BAZ2B: variants seen among roughly 807,000 people sequenced by gnomAD.
The protein encoded by BAZ2B is bromodomain adjacent to zinc finger domain 2B, also known as bromodomain adjacent to zinc finger domain protein 2B.
Under a neutral mutation model 246.0 loss-of-function variants are expected in BAZ2B, and 91 were observed. The observed-to-expected ratio is 0.37, with a 90% CI of 0.31 to 0.44. BAZ2B has a LOEUF of 0.44. Among genes scored for constraint, BAZ2B ranks in the 20% least tolerant of loss-of-function variants. The pLI is 1.00. For missense variants in BAZ2B, 2,332 were observed against 2,533.7 expected (o/e 0.92, Z 1.71); for synonymous variants, 855 against 860.0 (o/e 0.99, Z 0.10).
intron 27 of BAZ2B, among the ~76,000 whole-genome samples, chr2:159,363,653 A>G (rs3771686): frequency 0.68 from 103,601 of 152,036 alleles, 37,059 homozygotes; most frequent in Non-Finnish European, 0.82. Flanking sequence ...CCCTCACACC[A>G]ATAAATGTGA....
the BAZ2B span, among the ~76,000 whole-genome samples, chr2:159,710,008 T>G: frequency 0.013 from 2,003 of 152,122 alleles, 45 homozygotes; most frequent in African/African-American, 0.045. Flanking sequence ...GAGTCACTCA[T>G]AAAGGATAAA....
At chr2:159,527,269 T>C (rs2084857486) in intron 2 of BAZ2B, among the ~76,000 whole-genome samples, 1 of 152,138 alleles carries the variant, frequency 6.6e-6, no homozygotes, top group Non-Finnish European at 1.5e-5. Context: ...TTTGGCGAAA[T>C]GAATATCTTT....
rs150603575 is a variant in BAZ2B, at chr2:159,379,194, T to C, written c.4005+3365A>G. The stretch of plus-strand genomic sequence containing the variant: ...ATCCTGCCATAAGTAACAACATGGG[T>C]GAACCTTGAGGACATTATGCAAAGT... On this transcript the variant is annotated intron_variant, in intron 25 of 36. Coordinates refer to ENST00000392783, the MANE Select transcript of BAZ2B (RefSeq NM_013450.4). Among the ~76,000 whole-genome samples the C allele has an allele frequency of 2.0e-5, 3 of 152,238 alleles. No homozygotes were observed. The East Asian group carries it at 5.8e-4, about 29-fold the overall frequency.
At chr2:159,565,037 A>T (rs969222940) in intron 1 of BAZ2B, among the ~76,000 whole-genome samples, 3 of 151,998 alleles carry the variant, frequency 2.0e-5, no homozygotes, top group African/African-American at 7.3e-5. Flanking sequence ...CAATCAGCTA[A>T]TTTTTGTAAT....
intron 1 of BAZ2B, among the ~76,000 whole-genome samples, chr2:159,587,577 G>T (rs574832237): frequency 6.6e-6 from 1 of 152,220 alleles, no homozygotes; most frequent in Non-Finnish European, 1.5e-5. Flanking sequence ...CAAGTTTAAG[G>T]CCCAGTGCTG....
At chr2:159,455,773 T>TTTG (rs1324934937) in intron 3 of BAZ2B, among the ~76,000 whole-genome samples, 11 of 146,364 alleles carry the variant, frequency 7.5e-5, no homozygotes, top group East Asian at 4.0e-4. Flanking sequence ...GTTTTTTTTT[T>TTTG]TTTTTTTTTT....
chr2:159,533,725 C>T (rs530660161), intron 2 of BAZ2B, among the ~76,000 whole-genome samples: 3 of 152,260 alleles, frequency 2.0e-5, no homozygotes, highest in East Asian at 1.9e-4. Context: ...AGAATTAACC[C>T]GGCATTTCTG....
At position 159,324,830 on chromosome 2, in the gene BAZ2B, C is replaced by A; in HGVS notation, c.6334G>T (p.Glu2112Ter). The part of the protein sequence containing the change: ...KKPMDFSTIR[E>*]KLSSGQYPNL... ...ACTTACTGTCCACTACTTAGTTTCT[C>A]TCTAATTGTGGAAAAATCCATAGGC... Residue 2112 changes from glutamate to a stop codon, truncating the protein, a stop_gained, in exon 36 of 37, where the codon GAG (glutamate) becomes TAG (stop). Transcript: ENST00000392783. LOFTEE classifies it high-confidence loss of function. 1 of 1,506,146 alleles carries A rather than the reference C, an allele frequency of 6.6e-7. No homozygotes were observed. The highest frequency in any genetic ancestry group is 1.4e-5 in the South Asian group (1 of 72,584). 93.3% of individuals were successfully genotyped at this position (1,506,146 alleles called of 1,614,324 possible).
chr2:159,350,542 T>C (rs2058441313), intron 27 of BAZ2B, among the ~76,000 whole-genome samples, 185 bp from the exon 28 acceptor site: 1 of 151,846 alleles, frequency 6.6e-6, no homozygotes, highest in Non-Finnish European at 1.5e-5. Flanking sequence ...TTAACATATA[T>C]ATATATATAT....
At chr2:159,468,532 T>C (rs538959012) in intron 3 of BAZ2B, among the ~76,000 whole-genome samples, 86 of 152,316 alleles carry the variant, frequency 5.6e-4, no homozygotes, top group Non-Finnish European at 1.1e-3. Flanking sequence ...TGGATATCGA[T>C]TTTAAAAACT....
chr2:159,680,853 C>T, the BAZ2B span, among the ~76,000 whole-genome samples: 1 of 152,054 alleles, frequency 6.6e-6, no homozygotes, highest in Non-Finnish European at 1.5e-5. Flanking sequence ...TTATATTGGC[C>T]CAGCAGACAG....
intron 2 of BAZ2B, among the ~76,000 whole-genome samples, chr2:159,499,845 C>G (rs554462574): frequency 6.6e-6 from 1 of 152,212 alleles, no homozygotes; most frequent in East Asian, 1.9e-4. Context: ...TGTTCATGTC[C>G]TTTGCCCACT....
intron 13 of BAZ2B, among the ~76,000 whole-genome samples, chr2:159,413,752 GAAC>G (rs1469111666): frequency 6.6e-6 from 1 of 152,040 alleles, no homozygotes; most frequent in African/African-American, 2.4e-5. Flanking sequence ...AAGAAAATTT[GAAC>G]AATAAAGAGA....
At chr2:159,664,863 C>A in the BAZ2B span, among the ~76,000 whole-genome samples, 1 of 146,394 alleles carries the variant, frequency 6.8e-6, no homozygotes, top group Non-Finnish European at 1.5e-5. Context: ...TTTTGCTGTG[C>A]AGAAGCTCTT....
chr2:159,687,730 T>C, the BAZ2B span, among the ~76,000 whole-genome samples: 2 of 152,230 alleles, frequency 1.3e-5, no homozygotes, highest in African/African-American at 4.8e-5. Context: ...GCAGAGGTTA[T>C]GGGAACTCCC....
chr2:159,629,193 T>A, the BAZ2B span, among the ~76,000 whole-genome samples: 1 of 152,148 alleles, frequency 6.6e-6, no homozygotes, highest in South Asian at 2.1e-4. Flanking sequence ...GGGGAGAATG[T>A]AGAGAAATAG....
rs926935507 is a variant in BAZ2B, at chr2:159,325,908, T to G, written c.5954A>C (p.Gln1985Pro). Residue 1985 changes from glutamine (Q) to proline (P), a missense_variant, in exon 35 of 37, where the codon CAA becomes CCA. Gln to Pro is a moderately conservative substitution (Grantham distance 76). This residue lies in a region of BAZ2B where 210 missense variants were observed against 232.5 expected (regional missense o/e 0.90). Coordinates refer to ENST00000392783, the MANE Select transcript of BAZ2B (RefSeq NM_013450.4). ...CPACIAKASG[Q>P]TLKIKKLHVK... ...ATGAAGTTTTTTGATTTTTAGAGTT[T>G]GACCACTTGCCTTTAATTTAAAAAA... The G allele has an allele frequency of 6.3e-7, 1 of 1,585,322 alleles. No homozygotes were observed.
At chr2:159,447,334 A>C (rs780638368) in intron 5 of BAZ2B, among the ~76,000 whole-genome samples, 12 of 152,220 alleles carry the variant, frequency 7.9e-5, no homozygotes. Flanking sequence ...AAGATGGTTA[A>C]TATTATGTTA....
At chr2:159,521,319 TAAC>T (rs2084105476) in intron 2 of BAZ2B, among the ~76,000 whole-genome samples, 1 of 152,064 alleles carries the variant, frequency 6.6e-6, no homozygotes, top group African/African-American at 2.4e-5. Flanking sequence ...TGAACAAATT[TAAC>T]AACAAAAGAA....
Sources: gnomAD v4.1 joint callset for allele counts (sites outside exome capture counted in the v4.1 genomes callset) on GRCh38, gnomAD v4.1.1 for gene constraint, gnomAD v4.1.1 regional missense constraint, MANE v1.5 for transcripts, NCBI Gene and HGNC (gene_info 2026-07-23, HGNC 2026-07-21) for gene names.